The following ZBTB37 variants were observed in gnomAD, a reference collection of about 807,000 sequenced individuals.
ZBTB37 encodes the protein zinc finger and BTB domain containing 37.
Under a neutral mutation model 37.7 loss-of-function variants are expected in ZBTB37, and 15 were observed. The observed-to-expected ratio is 0.40, with a 90% CI of 0.27 to 0.61. The LOEUF is 0.61. Ranked by LOEUF, ZBTB37 falls within the 20% of genes least tolerant of loss-of-function variation. ZBTB37 has a pLI of 0.44. For missense variants in ZBTB37, 514 were observed against 641.9 expected, an observed-to-expected ratio of 0.80 and a Z score of 2.15; for synonymous variants, 231 against 220.6, an observed-to-expected ratio of 1.05 and a Z score of -0.42.
At chr1:173,876,980 G>A (rs1656009976) in intron 4 of ZBTB37, among the ~76,000 whole-genome samples, 1 of 152,098 alleles carries the variant, frequency 6.6e-6, no homozygotes, top group South Asian at 2.1e-4. Context: ...CTGCAAACCT[G>A]TATAGCATGT....
intron 4 of ZBTB37, among the ~76,000 whole-genome samples, chr1:173,881,416 C>T (rs765345932): frequency 1.3e-5 from 2 of 152,162 alleles, no homozygotes; most frequent in African/African-American, 2.4e-5. Context: ...ATAAACATAA[C>T]GTGTGCATGT....
At chr1:173,882,518 G>A (rs1656389524) in intron 4 of ZBTB37, among the ~76,000 whole-genome samples, 1 of 151,998 alleles carries the variant, frequency 6.6e-6, no homozygotes, top group African/African-American at 2.4e-5. Flanking sequence ...AGGATTACAG[G>A]CATGAGCCAC....
intron 4 of ZBTB37, among the ~76,000 whole-genome samples, chr1:173,883,854 G>A (rs1008045832): frequency 1.3e-5 from 2 of 149,996 alleles, no homozygotes; most frequent in African/African-American, 4.9e-5. Flanking sequence ...AAATTAAAAG[G>A]GCACAAGATC....
intron 4 of ZBTB37, among the ~76,000 whole-genome samples, chr1:173,884,233 C>T (rs1656497123): frequency 6.6e-6 from 1 of 151,116 alleles, no homozygotes; most frequent in Non-Finnish European, 1.5e-5. Flanking sequence ...CTTATTGCAG[C>T]CTTGGCTTCC....
At chr1:173,886,118 A>C in exon 5 of ZBTB37, 1 of 1,550,014 alleles carries the variant, frequency 6.5e-7, no homozygotes, top group East Asian at 2.4e-5. Flanking sequence ...CCACTGGGCC[A>C]GACTGAAACA....
At chr1:173,886,332 A>T (rs1431328226) in exon 5 of ZBTB37, 1 of 713,528 alleles carries the variant, frequency 1.4e-6, no homozygotes, top group African/African-American at 1.8e-5. Flanking sequence ...ACTTTGGAAA[A>T]TAATCAAGCA....
intron 4 of ZBTB37, among the ~76,000 whole-genome samples, chr1:173,877,508 G>A (rs1656050685): frequency 6.6e-6 from 1 of 151,084 alleles, no homozygotes; most frequent in Non-Finnish European, 1.5e-5. Context: ...CAGCTCCTGA[G>A]TAGCTGGGAC....
rs116840589 is a variant in ZBTB37 at position 173,877,747 on chromosome 1, C to A, written c.1023+4181C>A. Reference sequence around the variant, plus strand: ...CTCAAGGATAGGGTAATATATATGCCTTAATGGATATGAAAGTTTAATATG... The same window carrying A: ...CTCAAGGATAGGGTAATATATATGCATTAATGGATATGAAAGTTTAATATG... On this transcript the variant is annotated intron_variant, in intron 4 of 4. Coordinates refer to ENST00000427304, the Ensembl canonical transcript of ZBTB37. 4.5e-3 allele frequency among the ~76,000 whole-genome samples: 678 copies of A among 152,162 alleles called. 5 individuals carry two copies. Among genetic ancestry groups the A allele is most frequent in the African/African-American group, 0.015 (640 of 41,500 alleles).
intron 4 of ZBTB37, among the ~76,000 whole-genome samples, chr1:173,878,996 C>G (rs542856804): frequency 2.7e-5 from 4 of 150,434 alleles, no homozygotes; most frequent in Non-Finnish European, 4.4e-5. Flanking sequence ...GAGGCTGAGA[C>G]AGGAGAATCG....
intron 4 of ZBTB37, among the ~76,000 whole-genome samples, chr1:173,880,237 G>A (rs1476263493): frequency 2.0e-5 from 3 of 152,158 alleles, no homozygotes; most frequent in African/African-American, 7.2e-5. Context: ...AAGTAACTAA[G>A]TTTACTTAGT....
chr1:173,881,820 C>T (rs537193850), intron 4 of ZBTB37, among the ~76,000 whole-genome samples: 7 of 152,106 alleles, frequency 4.6e-5, no homozygotes, highest in South Asian at 2.1e-4. Flanking sequence ...TTTGGGAGGC[C>T]GAGGCGGGCG....
intron 4 of ZBTB37, among the ~76,000 whole-genome samples, chr1:173,875,330 A>ATATATATATAT (rs1399968929): frequency 7.8e-4 from 96 of 122,446 alleles, no homozygotes; most frequent in African/African-American, 3.6e-3. Flanking sequence ...ATATATATAT[A>ATATATATATAT]TTTTTTTTTT....
downstream of ZBTB37, chr1:173,889,229 A>C (rs563335557): frequency 6.6e-6 from 1 of 152,378 alleles, no homozygotes; most frequent in South Asian, 2.1e-4. Context: ...ACATTGTCCT[A>C]GTTCTTAGCT....
At chr1:173,895,892 G>A (rs552138470) in exon 4 of ZBTB37, 2 of 152,242 alleles carry the variant, frequency 1.3e-5, no homozygotes, top group South Asian at 4.1e-4. Context: ...TGTCCATATT[G>A]ATGAACCCCA....
exon 4 of ZBTB37, chr1:173,902,541 A>G (rs954181915): frequency 1.3e-5 from 2 of 152,258 alleles, no homozygotes; most frequent in African/African-American, 4.8e-5. Flanking sequence ...CTCTTGCACC[A>G]CTGAGGGTGC....
chr1:173,899,080 A>G (rs372131760), exon 4 of ZBTB37: 4 of 152,326 alleles, frequency 2.6e-5, no homozygotes, highest in East Asian at 3.9e-4. Context: ...AAATAATAAG[A>G]CAAGCATTAC....
chr1:173,870,652 A>T, exon 3 of ZBTB37: 1 of 1,614,200 alleles, frequency 6.2e-7, no homozygotes, highest in South Asian at 1.1e-5. Flanking sequence ...TCAAACAAGG[A>T]CAAAGCATCA....
At chr1:173,883,130 G>A (rs906080779) in intron 4 of ZBTB37, among the ~76,000 whole-genome samples, 3 of 152,022 alleles carry the variant, frequency 2.0e-5, no homozygotes, top group East Asian at 1.9e-4. Context: ...TGCATTCATC[G>A]CATAATATTT....
At chr1:173,890,903 A>G (rs1353847260), downstream of ZBTB37, 1 of 152,226 alleles carries the variant, frequency 6.6e-6, no homozygotes, top group Non-Finnish European at 1.5e-5. Context: ...AAAATTTGCC[A>G]ACTCCAAGAA....
Sources: allele counts gnomAD v4.1 joint callset (sites outside exome capture counted in the v4.1 genomes callset), GRCh38; gene constraint gnomAD v4.1.1; transcripts MANE v1.5; gene names NCBI Gene and HGNC (gene_info 2026-07-23, HGNC 2026-07-21).